The following IMMP1L variants were observed in gnomAD, a reference collection of about 807,000 sequenced individuals.
IMMP1L encodes the protein mitochondrial inner membrane protease subunit 1.
A neutral mutation model predicts 21.8 loss-of-function variants in IMMP1L; 24 were observed. The ratio of observed to expected loss-of-function variants is 1.10; its 90% CI spans 0.80 to 1.55. The LOEUF (loss-of-function observed/expected upper bound fraction) is 1.55. Among genes scored for constraint, IMMP1L ranks in the 40% most tolerant of loss-of-function variants. The pLI, the probability that IMMP1L is intolerant of heterozygous loss-of-function variation, is 0.00. For missense variants in IMMP1L, 195 were observed against 200.7 expected (o/e 0.97, Z 0.17); for synonymous variants, 46 against 62.8 (o/e 0.73, Z 1.26).
chr11:31,433,618 G>T, intron 4 of IMMP1L, 48 bp from the exon 5 acceptor site: 1 of 1,168,956 alleles, frequency 8.6e-7, no homozygotes, highest in South Asian at 1.3e-5. Flanking sequence ...AACCTAATTT[G>T]GGTACTATAA....
intron 4 of IMMP1L, among the ~76,000 whole-genome samples, chr11:31,450,866 A>G (rs1256873095): frequency 2.0e-5 from 3 of 152,192 alleles, no homozygotes; most frequent in Admixed American, 1.3e-4. Flanking sequence ...AATTTTAAAA[A>G]ATCTACTAGA....
At chr11:31,480,259 T>A (rs974388560) in intron 1 of IMMP1L, among the ~76,000 whole-genome samples, 1 of 152,074 alleles carries the variant, frequency 6.6e-6, no homozygotes, top group Non-Finnish European at 1.5e-5. Context: ...AGACATTTAG[T>A]ATACTTCAGA....
chr11:31,482,231 G>A (rs947671429), intron 1 of IMMP1L, among the ~76,000 whole-genome samples: 1 of 151,962 alleles, frequency 6.6e-6, no homozygotes, highest in East Asian at 1.9e-4. Context: ...AATACAGACT[G>A]AAATTTTAAA....
At chr11:31,493,997 G>A (rs1258035049) in intron 1 of IMMP1L, among the ~76,000 whole-genome samples, 1 of 152,198 alleles carries the variant, frequency 6.6e-6, no homozygotes, top group Non-Finnish European at 1.5e-5. Context: ...TTGAGTGTCT[G>A]CAGCTTTTCC....
chr11:31,465,420 A>G (rs1205566784), intron 1 of IMMP1L, among the ~76,000 whole-genome samples: 1 of 152,160 alleles, frequency 6.6e-6, no homozygotes, highest in Admixed American at 6.6e-5. Flanking sequence ...TCAATATACC[A>G]AAGTCATTTT....
chr11:31,462,444 C>T (rs931674285), intron 2 of IMMP1L, among the ~76,000 whole-genome samples: 2 of 147,278 alleles, frequency 1.4e-5, no homozygotes, highest in Non-Finnish European at 3.0e-5. Context: ...ACAGTAATAA[C>T]AACAATAAAA....
intron 1 of IMMP1L, among the ~76,000 whole-genome samples, chr11:31,494,240 G>A (rs1955354751): frequency 6.6e-6 from 1 of 152,238 alleles, no homozygotes; most frequent in South Asian, 2.1e-4. Flanking sequence ...AAATCTAGGA[G>A]GAGGTTCCCA....
At chr11:31,452,219 G>C in intron 4 of IMMP1L, 1 of 984,578 alleles carries the variant, frequency 1.0e-6, no homozygotes, top group Non-Finnish European at 1.2e-6. Context: ...TTTACAACAT[G>C]TTTGTTGATA....
intron 4 of IMMP1L, among the ~76,000 whole-genome samples, chr11:31,436,620 CAG>C (rs1203864863): frequency 6.6e-6 from 1 of 152,000 alleles, no homozygotes; most frequent in Non-Finnish European, 1.5e-5. Context: ...TCAGTAGAGA[CAG>C]GGTTTCACCA....
intron 4 of IMMP1L, among the ~76,000 whole-genome samples, chr11:31,445,513 TGA>T (rs1256829699): frequency 6.6e-6 from 1 of 152,204 alleles, no homozygotes; most frequent in East Asian, 1.9e-4. Context: ...AAAAAAGAAA[TGA>T]TTAAAAATAA....
intron 1 of IMMP1L, 50 bp from the exon 2 acceptor site, chr11:31,463,355 T>G (rs892541206): frequency 1.1e-5 from 16 of 1,452,282 alleles, no homozygotes; most frequent in Non-Finnish European, 1.4e-5. Context: ...TTAAAAACAC[T>G]TAAGAAATAA....
intron 4 of IMMP1L, among the ~76,000 whole-genome samples, chr11:31,441,463 A>G (rs529469603): frequency 6.6e-6 from 1 of 152,240 alleles, no homozygotes; most frequent in South Asian, 2.1e-4. Flanking sequence ...TCAAATCTAC[A>G]GATGACTAAA....
At chr11:31,452,082 G>A in intron 4 of IMMP1L, 1 of 241,238 alleles carries the variant, frequency 4.1e-6, no homozygotes, top group Non-Finnish European at 6.7e-6. Flanking sequence ...CATCAGTGAA[G>A]TGGTGGAGAC....
rs1277676027 is a variant in IMMP1L, at chr11:31,491,125, G to A, written c.-30+18394C>T. On this transcript the variant is annotated intron_variant, in intron 1 of 5. Coordinates refer to ENST00000532287, the MANE Select transcript of IMMP1L (RefSeq NM_001304274.2). Reference sequence around the variant, plus strand: ...CACCAAGTTTTTGTTCATTTGTTATGGTAATTTTAGAGAACTAACATAGAT... The same window carrying A: ...CACCAAGTTTTTGTTCATTTGTTATAGTAATTTTAGAGAACTAACATAGAT... Among the ~76,000 whole-genome samples, 4 of 152,122 alleles carry A rather than the reference G, an allele frequency of 2.6e-5. No individual in the cohort carries two copies. In the East Asian group the frequency reaches 7.7e-4, roughly 29 times the overall value.
chr11:31,435,817 T>C (rs1953099703), intron 4 of IMMP1L, among the ~76,000 whole-genome samples: 1 of 152,216 alleles, frequency 6.6e-6, no homozygotes, highest in Non-Finnish European at 1.5e-5. Flanking sequence ...TTTGCTTTCA[T>C]GTCTTCTGAA....
At chr11:31,493,185 C>A (rs1435100124) in intron 1 of IMMP1L, among the ~76,000 whole-genome samples, 1 of 152,102 alleles carries the variant, frequency 6.6e-6, no homozygotes, top group Non-Finnish European at 1.5e-5. Context: ...TAAAGAACTG[C>A]CCAAGACTGG....
intron 2 of IMMP1L, 26 bp from the exon 3 acceptor site, chr11:31,460,740 T>C (rs1376813601): frequency 6.5e-6 from 9 of 1,376,284 alleles, no homozygotes; most frequent in African/African-American, 1.4e-5. Flanking sequence ...ATTTGTAATC[T>C]AAATTCAAAA....
chr11:31,508,458 C>T (rs931498246), intron 1 of IMMP1L, among the ~76,000 whole-genome samples: 1 of 152,158 alleles, frequency 6.6e-6, no homozygotes, highest in Non-Finnish European at 1.5e-5. Context: ...TTGATCAAAG[C>T]TTTCCAGTTG....
Position 31,448,922 on chromosome 11 carries a change from T to C in IMMP1L, c.321+7338A>G. On this transcript the variant is annotated intron_variant, in intron 4 of 5. Transcript: ENST00000532287. ...TTTATCTTCAGAATTGTGTTAGCTA[T>C]AGAATGAAAAAGTCACGTCACCTCC... 5 of 984,724 alleles carry C rather than the reference T, an allele frequency of 5.1e-6. No individual in the cohort carries two copies. The South Asian group carries it at 1.9e-4, about 37-fold the overall frequency. 61.0% of individuals were successfully genotyped at this position (984,724 alleles called of 1,614,324 possible). A position where few individuals can be genotyped will look rare whatever the true frequency, so the allele number is the denominator to read the frequency against.
Sources: gnomAD v4.1 joint callset for allele counts (sites outside exome capture counted in the v4.1 genomes callset) on GRCh38, gnomAD v4.1.1 for gene constraint, MANE v1.5 for transcripts, NCBI Gene and HGNC (gene_info 2026-07-23, HGNC 2026-07-21) for gene names.